SPCS2: variants seen among roughly 807,000 people sequenced by gnomAD.
SPCS2 encodes signal peptidase complex subunit 2, also known as SPase 25 kDa subunit.
SPCS2 carries 3 observed loss-of-function variants against 22.3 expected under a neutral mutation model. The observed-to-expected ratio is 0.13, with a 90% CI of 0.06 to 0.35. The LOEUF is 0.35. Ranked by LOEUF, SPCS2 falls within the 10% of genes least tolerant of loss-of-function variation. The pLI is 1.00. For synonymous variants in SPCS2, 67 were observed against 97.2 expected, an observed-to-expected ratio of 0.69 and a Z score of 1.83; for missense variants, 169 against 280.9, an observed-to-expected ratio of 0.60 and a Z score of 2.85.
intron 1 of SPCS2, among the ~76,000 whole-genome samples, chr11:74,955,120 C>T (rs1251885081): frequency 1.3e-5 from 2 of 152,154 alleles, no homozygotes; most frequent in Non-Finnish European, 2.9e-5. Flanking sequence ...CTTCATATAT[C>T]GCTAACAGGG....
intron 1 of SPCS2, among the ~76,000 whole-genome samples, chr11:74,961,390 T>G (rs1396079524): frequency 6.6e-6 from 1 of 152,160 alleles, no homozygotes; most frequent in East Asian, 1.9e-4. Flanking sequence ...AGTGGAAAAG[T>G]GAGGATTAAA....
intron 4 of SPCS2, among the ~76,000 whole-genome samples, chr11:74,970,472 G>A (rs1161940763): frequency 1.3e-5 from 2 of 152,176 alleles, no homozygotes; most frequent in African/African-American, 2.4e-5. Flanking sequence ...GGTAGAGCAG[G>A]AATTCCAGCC....
chr11:74,950,434 C>T (rs1421738819), intron 1 of SPCS2, among the ~76,000 whole-genome samples: 3 of 152,170 alleles, frequency 2.0e-5, no homozygotes, highest in Non-Finnish European at 2.9e-5. Context: ...TTTCAGACTT[C>T]CCTGTGCATA....
rs112291168 is a variant in SPCS2 at position 74,969,755 on chromosome 11, T to C, written c.494+56T>C. On this transcript the variant is annotated intron_variant, in intron 4 of 4. Coordinates refer to ENST00000263672, the MANE Select transcript of SPCS2 (RefSeq NM_014752.3). Reference sequence around the variant, plus strand: ...TGGTGTTGGATTTGCCCTGGCATGTTGTCATTATCAACAGAAGACTTATTA... The same window carrying C: ...TGGTGTTGGATTTGCCCTGGCATGTCGTCATTATCAACAGAAGACTTATTA... The C allele has an allele frequency of 7.2e-5, 115 of 1,603,118 alleles. 1 individual carries two copies. In the African/African-American group the frequency reaches 1.2e-3, roughly 17 times the overall value.
intron 4 of SPCS2, among the ~76,000 whole-genome samples, 155 bp downstream of exon 4, chr11:74,969,854 T>G (rs1948570404): frequency 6.6e-6 from 1 of 152,244 alleles, no homozygotes; most frequent in African/African-American, 2.4e-5. Context: ...CTAGAAGGTT[T>G]GTCCTAGCCC....
intron 1 of SPCS2, among the ~76,000 whole-genome samples, chr11:74,955,906 T>A (rs1298878067): frequency 2.0e-5 from 2 of 99,836 alleles, no homozygotes; most frequent in Non-Finnish European, 4.1e-5. Flanking sequence ...CTAGGTACCT[T>A]TTTCAGCTGT....
chr11:74,951,810 CAA>C (rs61038317), intron 1 of SPCS2, among the ~76,000 whole-genome samples: 11 of 81,368 alleles, frequency 1.4e-4, no homozygotes, highest in Admixed American at 4.7e-4. Flanking sequence ...AACTCTGTCT[CAA>C]AAAAAAAAAA....
chr11:74,957,562 C>T (rs1295570787), intron 1 of SPCS2, among the ~76,000 whole-genome samples: 2 of 152,228 alleles, frequency 1.3e-5, no homozygotes, highest in East Asian at 1.9e-4. Flanking sequence ...TCCTTGGCAG[C>T]ATCCCTCTCT....
intron 1 of SPCS2, 91 bp from the exon 2 acceptor site, chr11:74,964,943 G>A: frequency 1.3e-6 from 1 of 797,442 alleles, no homozygotes; most frequent in Non-Finnish European, 2.0e-6. Flanking sequence ...AATATTATAT[G>A]TGCATGAGGG....
chr11:74,971,873 T>G (rs889958652), intron 4 of SPCS2, among the ~76,000 whole-genome samples: 6 of 152,360 alleles, frequency 3.9e-5, no homozygotes, highest in Admixed American at 2.6e-4. Flanking sequence ...ATACATTCTC[T>G]TACTCTGGCA....
chr11:74,965,707 G>A, intron 2 of SPCS2, 56 bp from the exon 3 acceptor site: 1 of 1,432,140 alleles, frequency 7.0e-7, no homozygotes, highest in Non-Finnish European at 9.7e-7. Flanking sequence ...AAGAATAAAA[G>A]CACATACTGG....
intron 4 of SPCS2, among the ~76,000 whole-genome samples, chr11:74,972,457 G>T (rs369940133): frequency 6.6e-6 from 1 of 152,118 alleles, no homozygotes; most frequent in African/African-American, 2.4e-5. Flanking sequence ...TCCTGGGCCC[G>T]CCCCCTCCTC....
At chr11:74,957,727 A>C (rs1256658653) in intron 1 of SPCS2, among the ~76,000 whole-genome samples, 1 of 152,234 alleles carries the variant, frequency 6.6e-6, no homozygotes, top group South Asian at 2.1e-4. Context: ...AGCATAGTTT[A>C]TAATTCATTG....
intron 4 of SPCS2, among the ~76,000 whole-genome samples, chr11:74,974,781 A>AT (rs1948605948): frequency 6.6e-6 from 1 of 151,938 alleles, no homozygotes; most frequent in African/African-American, 2.4e-5. Flanking sequence ...CGTCTGGCTA[A>AT]TTTTTTGTAT....
intron 4 of SPCS2, among the ~76,000 whole-genome samples, chr11:74,973,083 A>G (rs76129894): frequency 0.025 from 3,752 of 152,260 alleles, 61 homozygotes; most frequent in Non-Finnish European, 0.038. Flanking sequence ...AAACCTGACC[A>G]TAACCTCTGA....
At chr11:74,976,803 T>G in intron 4 of SPCS2, 54 bp from the exon 5 acceptor site, 3 of 1,607,420 alleles carry the variant, frequency 1.9e-6, no homozygotes, top group Non-Finnish European at 2.6e-6. Flanking sequence ...GTATTGTTAC[T>G]GGTTGAATCT....
chr11:74,951,724 C>T (rs1948446667), intron 1 of SPCS2, among the ~76,000 whole-genome samples: 2 of 149,114 alleles, frequency 1.3e-5, no homozygotes, highest in South Asian at 2.1e-4. Flanking sequence ...GCAGGAGAAT[C>T]GCTTGAACCC....
intron 4 of SPCS2, among the ~76,000 whole-genome samples, chr11:74,976,044 C>G (rs1397324680): frequency 6.6e-6 from 1 of 152,080 alleles, no homozygotes; most frequent in African/African-American, 2.4e-5. Context: ...AGTTGGCATC[C>G]CTGGCCTGGG....
chr11:74,960,438 TG>T lies in SPCS2; in HGVS notation c.115-4588del, dbSNP rs537745834. Among the ~76,000 whole-genome samples, 442 of 151,456 alleles carry T rather than the reference TG, an allele frequency of 2.9e-3. 2 individuals are homozygous for T. Among genetic ancestry groups the T allele is most frequent in the Non-Finnish European group, 2.5e-3 (172 of 67,770 alleles). On this transcript the variant is annotated intron_variant, in intron 1 of 4. Coordinates refer to ENST00000263672, the MANE Select transcript of SPCS2 (RefSeq NM_014752.3). Reference sequence around the variant, plus strand: ...AGCCAAATTGCAGTTGGTTTTACATTGGGGGGGGAGGTTCAACATTTTTGAT... The same window carrying T: ...AGCCAAATTGCAGTTGGTTTTACATTGGGGGGGAGGTTCAACATTTTTGAT...
Sources: allele counts gnomAD v4.1 joint callset (sites outside exome capture counted in the v4.1 genomes callset), GRCh38; gene constraint gnomAD v4.1.1; transcripts MANE v1.5; gene names NCBI Gene and HGNC (gene_info 2026-07-23, HGNC 2026-07-21).